NRXN3: variants seen among roughly 807,000 people sequenced by gnomAD.
NRXN3 encodes the protein neurexin III.
A neutral mutation model predicts 137.6 loss-of-function variants in NRXN3; 32 were observed. The observed-to-expected ratio is 0.23, with a 90% CI of 0.18 to 0.31. The LOEUF is 0.31. Among genes scored for constraint, NRXN3 ranks in the 10% least tolerant of loss-of-function variants. The pLI, the probability that NRXN3 is intolerant of heterozygous loss-of-function variation, is 1.00. For missense variants in NRXN3, 1,574 were observed against 2,062.5 expected, an observed-to-expected ratio of 0.76 and a Z score of 4.59; for synonymous variants, 798 against 784.5, an observed-to-expected ratio of 1.02 and a Z score of -0.29.
At chr14:79,773,334 T>G (rs1329046975) in intron 19 of NRXN3, among the ~76,000 whole-genome samples, 2 of 151,960 alleles carry the variant, frequency 1.3e-5, no homozygotes, top group African/African-American at 4.8e-5. Flanking sequence ...CACACGTATG[T>G]TTATTGCGGC....
intron 8 of NRXN3, among the ~76,000 whole-genome samples, chr14:78,782,761 G>C (rs575630275): frequency 1.5e-3 from 227 of 152,340 alleles, no homozygotes; most frequent in Non-Finnish European, 2.9e-3. Context: ...ACTCAACTGA[G>C]AGATCAAGTG....
intron 19 of NRXN3, among the ~76,000 whole-genome samples, chr14:79,749,102 G>A (rs1360520606): frequency 6.6e-6 from 1 of 152,056 alleles, no homozygotes; most frequent in Non-Finnish European, 1.5e-5. Context: ...TTTGAAGTGT[G>A]CTTGAAAGTT....
intron 4 of NRXN3, among the ~76,000 whole-genome samples, chr14:78,338,018 G>C (rs1489105686): frequency 3.3e-5 from 5 of 152,084 alleles, no homozygotes; most frequent in Admixed American, 6.5e-5. Flanking sequence ...TGGAGAATGG[G>C]GTGTGAGTAT....
At chr14:78,818,082 A>G (rs1350805851) in intron 10 of NRXN3, among the ~76,000 whole-genome samples, 1 of 151,922 alleles carries the variant, frequency 6.6e-6, no homozygotes, top group African/African-American at 2.4e-5. Context: ...ATATAGACTC[A>G]TATAACTGTT....
chr14:79,592,750 A>G (rs1452846629), intron 16 of NRXN3, among the ~76,000 whole-genome samples: 1 of 152,248 alleles, frequency 6.6e-6, no homozygotes, highest in Admixed American at 6.5e-5. Context: ...TAAAAGACCT[A>G]TTTAATTTAA....
chr14:78,279,905 C>T (rs1398398224), intron 3 of NRXN3, among the ~76,000 whole-genome samples: 1 of 152,094 alleles, frequency 6.6e-6, no homozygotes, highest in Non-Finnish European at 1.5e-5. Flanking sequence ...GATCATTGTT[C>T]TGTGTGGGAT....
At chr14:79,071,642 A>AGT (rs1465563754) in intron 15 of NRXN3, among the ~76,000 whole-genome samples, 1 of 152,126 alleles carries the variant, frequency 6.6e-6, no homozygotes, top group Non-Finnish European at 1.5e-5. Flanking sequence ...AGAGAGAGAG[A>AGT]GTAGAAGGAT....
At chr14:78,199,437 G>A (rs2061489460) in intron 1 of NRXN3, among the ~76,000 whole-genome samples, 1 of 152,102 alleles carries the variant, frequency 6.6e-6, no homozygotes, top group African/African-American at 2.4e-5. Context: ...CTATGTGCTG[G>A]GTGCTCTGCC....
At chr14:79,681,733 G>T (rs2098671286) in intron 17 of NRXN3, among the ~76,000 whole-genome samples, 1 of 151,556 alleles carries the variant, frequency 6.6e-6, no homozygotes, top group East Asian at 1.9e-4. Flanking sequence ...TTTGAAATGG[G>T]ATTGTAGCTA....
chr14:79,575,550 TAAC>T lies in NRXN3; in HGVS notation c.3445-88219_3445-88217del, dbSNP rs922206029. Among the ~76,000 whole-genome samples, 14 of 152,224 alleles carry T rather than the reference TAAC, an allele frequency of 9.2e-5. No homozygotes were observed. In the East Asian group the frequency reaches 2.5e-3, roughly 27 times the overall value. On this transcript the variant is annotated intron_variant, in intron 16 of 20. Transcript: ENST00000335750. ...AAAGGCTCTATATTTTATTTAACAA[TAAC>T]AACAACAAAAATCAAAGTGCTTGTT...
intron 16 of NRXN3, among the ~76,000 whole-genome samples, chr14:79,577,586 T>C (rs368690068): frequency 5.3e-5 from 8 of 152,322 alleles, no homozygotes; most frequent in African/African-American, 1.9e-4. Flanking sequence ...TTATCACACT[T>C]TGTACATACT....
At chr14:79,033,365 T>C (rs533299452) in intron 15 of NRXN3, among the ~76,000 whole-genome samples, 1 of 152,258 alleles carries the variant, frequency 6.6e-6, no homozygotes, top group East Asian at 1.9e-4. Context: ...GTTCATTCTC[T>C]GCAGAATGAG....
At chr14:78,934,894 G>A (rs2099331084) in intron 10 of NRXN3, among the ~76,000 whole-genome samples, 1 of 151,406 alleles carries the variant, frequency 6.6e-6, no homozygotes, top group South Asian at 2.1e-4. Flanking sequence ...ACACCAACAT[G>A]GCACATGTAT....
intron 10 of NRXN3, among the ~76,000 whole-genome samples, chr14:78,823,248 C>G (rs543245396): frequency 1.7e-4 from 26 of 152,142 alleles, no homozygotes; most frequent in Admixed American, 5.2e-4. Context: ...TGCTGGTACT[C>G]TCTGTCTCTT....
intron 15 of NRXN3, among the ~76,000 whole-genome samples, chr14:79,089,135 G>C (rs1461151266): frequency 6.6e-6 from 1 of 152,094 alleles, no homozygotes; most frequent in South Asian, 2.1e-4. Flanking sequence ...GTCTCAGAGG[G>C]GATAAGTCAA....
chr14:79,631,789 A>G (rs1221664935), intron 16 of NRXN3, among the ~76,000 whole-genome samples: 1 of 151,772 alleles, frequency 6.6e-6, no homozygotes, highest in East Asian at 1.9e-4. Context: ...AGGTTTGTAA[A>G]CGTACCAATC....
chr14:78,967,197 TTTC>T lies in NRXN3; in HGVS notation c.2778-7_2778-5del, dbSNP rs758300841. The T allele has an allele frequency of 6.3e-7, 1 of 1,581,490 alleles. No homozygotes were observed. Among genetic ancestry groups the T allele is most frequent in the East Asian group, 2.2e-5 (1 of 44,508 alleles). ...TTTCCAATTATTGTTTTTTTTTTTTTTTCTTCCTAGGTATATACACTACGTTTT... is the reference window on the plus strand; with the variant it reads ...TTTCCAATTATTGTTTTTTTTTTTTTTTCCTAGGTATATACACTACGTTTT... On this transcript the variant is annotated splice_region_variant and splice_polypyrimidine_tract_variant and intron_variant, in intron 12 of 20. Transcript: ENST00000335750.
intron 11 of NRXN3, among the ~76,000 whole-genome samples, chr14:78,960,833 T>C (rs2099406678): frequency 6.6e-6 from 1 of 152,182 alleles, no homozygotes; most frequent in Non-Finnish European, 1.5e-5. Context: ...AAAGTCATTT[T>C]GCAAAATTTT....
intron 15 of NRXN3, among the ~76,000 whole-genome samples, chr14:79,014,600 A>C (rs942532734): frequency 1.3e-5 from 2 of 152,154 alleles, no homozygotes; most frequent in African/African-American, 4.8e-5. Context: ...AATAATTTAT[A>C]TTTCTTTCAG....
Sources: gnomAD v4.1 joint callset for allele counts (sites outside exome capture counted in the v4.1 genomes callset) on GRCh38, gnomAD v4.1.1 for gene constraint, MANE v1.5 for transcripts, NCBI Gene and HGNC (gene_info 2026-07-23, HGNC 2026-07-21) for gene names.